SNCAIP: variants seen among roughly 807,000 people sequenced by gnomAD.
The protein encoded by SNCAIP is synuclein alpha interacting protein.
In SNCAIP, 43 loss-of-function variants were observed where a neutral mutation model predicts 86.7. That is an observed-to-expected ratio of 0.50 (90% CI 0.39 to 0.64). SNCAIP has a LOEUF of 0.64. Ranked by LOEUF, SNCAIP falls within the 30% of genes least tolerant of loss-of-function variation. The pLI is 0.00. For synonymous variants in SNCAIP, 417 were observed against 427.2 expected, an observed-to-expected ratio of 0.98 and a Z score of 0.29; for missense variants, 981 against 1,103.1, an observed-to-expected ratio of 0.89 and a Z score of 1.57.
intron 1 of SNCAIP, among the ~76,000 whole-genome samples, chr5:122,330,761 G>A (rs1755157308): frequency 6.6e-6 from 1 of 152,088 alleles, no homozygotes; most frequent in Non-Finnish European, 1.5e-5. Flanking sequence ...GGAGGGGATA[G>A]TTTCAGGATG....
intron 1 of SNCAIP, among the ~76,000 whole-genome samples, chr5:122,320,846 G>A (rs1752770136): frequency 6.6e-6 from 1 of 152,218 alleles, no homozygotes. Flanking sequence ...ATTTATTTGA[G>A]ATGTTATTAT....
At chr5:122,360,038 T>C (rs1383691967) in intron 1 of SNCAIP, among the ~76,000 whole-genome samples, 1 of 152,178 alleles carries the variant, frequency 6.6e-6, no homozygotes, top group Non-Finnish European at 1.5e-5. Flanking sequence ...GCAGTCACAG[T>C]TGATTATCAG....
At chr5:122,397,344 C>T (rs1030639340) in intron 2 of SNCAIP, among the ~76,000 whole-genome samples, 6 of 152,092 alleles carry the variant, frequency 3.9e-5, no homozygotes, top group Non-Finnish European at 8.8e-5. Flanking sequence ...ATACTGTGAT[C>T]TTACCACATT....
At chr5:122,419,102 A>T (rs903103640) in intron 3 of SNCAIP, among the ~76,000 whole-genome samples, 2 of 152,104 alleles carry the variant, frequency 1.3e-5, no homozygotes, top group East Asian at 3.9e-4. Flanking sequence ...TTGGAGATAG[A>T]TTGCTTAGGA....
chr5:122,319,572 C>A (rs1752521983), intron 1 of SNCAIP, among the ~76,000 whole-genome samples: 1 of 152,178 alleles, frequency 6.6e-6, no homozygotes, highest in Non-Finnish European at 1.5e-5. Flanking sequence ...GCTATGGATT[C>A]TTTCCTTGAA....
chr5:122,360,694 A>G (rs550274501), intron 1 of SNCAIP, among the ~76,000 whole-genome samples: 6 of 152,318 alleles, frequency 3.9e-5, no homozygotes, highest in African/African-American at 1.4e-4. Flanking sequence ...TAGTTGCTCA[A>G]AAAGTAGTAC....
chr5:122,323,871 C>G (rs183513023), intron 1 of SNCAIP, among the ~76,000 whole-genome samples: 22 of 152,274 alleles, frequency 1.4e-4, no homozygotes, highest in Non-Finnish European at 2.6e-4. Flanking sequence ...TCTCCTCCCC[C>G]CTCCAATCCC....
At chr5:122,440,446 C>G in intron 6 of SNCAIP, 183 bp from the exon 7 acceptor site, 2 of 631,008 alleles carry the variant, frequency 3.2e-6, no homozygotes, top group East Asian at 5.7e-5. Flanking sequence ...ATGCCGTCCT[C>G]TTTCATTCAT....
intron 7 of SNCAIP, chr5:122,444,060 C>A (rs1781731781): frequency 2.2e-6 from 1 of 456,736 alleles, no homozygotes; most frequent in Non-Finnish European, 4.4e-6. Flanking sequence ...AGCCTCCCCA[C>A]TCTCAGCCAT....
chr5:122,332,874 T>A (rs911488312), intron 1 of SNCAIP, among the ~76,000 whole-genome samples: 2 of 152,206 alleles, frequency 1.3e-5, no homozygotes, highest in Admixed American at 1.3e-4. Flanking sequence ...CTGAAAGAGC[T>A]GGCCAGGCTT....
Position 122,444,693 on chromosome 5 carries a change from T to C in SNCAIP, c.1553T>C (p.Leu518Pro). ...YLVVVETCMS[L>P]ASQVVKLTKQ... ...GTGGTGGTGGAGACCTGCATGTCGCTGGCCTCTCAAGTGGTGAAGTTAACC... is the reference window on the plus strand; with the variant it reads ...GTGGTGGTGGAGACCTGCATGTCGCCGGCCTCTCAAGTGGTGAAGTTAACC... Residue 518 changes from leucine to proline, a missense_variant, in exon 8 of 11, where the codon CTG becomes CCG. Transcript: ENST00000261368. The C allele has an allele frequency of 6.2e-7, 1 of 1,613,984 alleles. No homozygotes were observed. Among genetic ancestry groups the C allele is most frequent in the Non-Finnish European group, 8.5e-7 (1 of 1,179,886 alleles).
chr5:122,432,508 T>C (rs1314810770), intron 6 of SNCAIP, among the ~76,000 whole-genome samples: 1 of 152,136 alleles, frequency 6.6e-6, no homozygotes, highest in South Asian at 2.1e-4. Flanking sequence ...CGATTTTCTA[T>C]TTTTTTAATT....
chr5:122,410,060 C>A (rs999484513), intron 3 of SNCAIP, among the ~76,000 whole-genome samples: 18 of 152,244 alleles, frequency 1.2e-4, no homozygotes, highest in African/African-American at 4.1e-4. Context: ...AGAAATGTTT[C>A]TTTAACTAGA....
chr5:122,322,871 T>A (rs1190270551), intron 1 of SNCAIP, among the ~76,000 whole-genome samples: 2 of 152,332 alleles, frequency 1.3e-5, no homozygotes, highest in East Asian at 3.9e-4. Context: ...GGCTACAGTT[T>A]TGGGAATGCT....
intron 2 of SNCAIP, among the ~76,000 whole-genome samples, chr5:122,403,250 T>C (rs1468003232): frequency 6.6e-6 from 1 of 152,162 alleles, no homozygotes; most frequent in Non-Finnish European, 1.5e-5. Flanking sequence ...GACATTACCC[T>C]GGTATTTCCC....
chr5:122,386,606 G>A (rs1768179191), intron 1 of SNCAIP, among the ~76,000 whole-genome samples: 2 of 152,156 alleles, frequency 1.3e-5, no homozygotes, highest in Admixed American at 1.3e-4. Flanking sequence ...CCAGTGCTGT[G>A]GGCACATCCA....
chr5:122,463,241 G>C (rs1348498277), intron 10 of SNCAIP, among the ~76,000 whole-genome samples: 1 of 152,202 alleles, frequency 6.6e-6, no homozygotes, highest in Non-Finnish European at 1.5e-5. Flanking sequence ...AATCAGTATG[G>C]TTGAGAAATT....
chr5:122,451,586 A>G lies in SNCAIP; in HGVS notation c.2739A>G (p.Lys913=). Reference sequence around the variant, plus strand: ...GAAACCCTGCCAGCTCCGCTAGCAAAGGAAAGAATAAGGCAGTAAGTGCTA... The same window carrying G: ...GAAACCCTGCCAGCTCCGCTAGCAAGGGAAAGAATAAGGCAGTAAGTGCTA... ...AKGNPASSAS[K]GKNKAA Residue 913 remains lysine (K), a synonymous_variant, in exon 10 of 11, where the codon AAA becomes AAG. Transcript: ENST00000261368. 6.2e-7 allele frequency: 1 copy of G among 1,607,534 alleles called. No individual in the cohort carries two copies. Among genetic ancestry groups the G allele is most frequent in the Non-Finnish European group, 8.5e-7 (1 of 1,174,220 alleles).
chr5:122,372,180 C>T (rs1179554526), intron 1 of SNCAIP, among the ~76,000 whole-genome samples: 2 of 152,108 alleles, frequency 1.3e-5, no homozygotes, highest in African/African-American at 4.8e-5. Context: ...ACTGATCATA[C>T]CTTTATGTAA....
Sources: allele counts gnomAD v4.1 joint callset (sites outside exome capture counted in the v4.1 genomes callset), GRCh38; gene constraint gnomAD v4.1.1; transcripts MANE v1.5; gene names NCBI Gene and HGNC (gene_info 2026-07-23, HGNC 2026-07-21).